The following SPATA13 variants were observed in gnomAD, a reference collection of about 807,000 sequenced individuals.
SPATA13 encodes the protein spermatogenesis-associated protein 13.
A neutral mutation model predicts 104.0 loss-of-function variants in SPATA13; 50 were observed. That is an observed-to-expected ratio of 0.48 (90% CI 0.38 to 0.61). The LOEUF (loss-of-function observed/expected upper bound fraction) is 0.61, where lower values mean the gene tolerates loss of function less well. SPATA13 is among the 20% of genes least tolerant of loss of function. The probability of loss-of-function intolerance (pLI) is 0.00; values close to 1 mark genes in which losing one functional copy is unlikely to be tolerated. For synonymous variants in SPATA13, 606 were observed against 667.5 expected (o/e 0.91, Z 1.42); for missense variants, 1,524 against 1,690.6 (o/e 0.90, Z 1.73).
At chr13:24,037,997 T>C (rs765273614) in intron 3 of SPATA13, among the ~76,000 whole-genome samples, 36 of 152,066 alleles carry the variant, frequency 2.4e-4, no homozygotes, top group Non-Finnish European at 4.4e-4. Context: ...CTGCAAGCTC[T>C]ACCTCCCGGG....
intron 9 of SPATA13, among the ~76,000 whole-genome samples, chr13:24,293,564 CAGAA>C (rs1340384956): frequency 6.6e-6 from 1 of 152,186 alleles, no homozygotes; most frequent in Non-Finnish European, 1.5e-5. Flanking sequence ...GTTGACATGA[CAGAA>C]AGTCCATTTC....
At chr13:24,093,429 G>A (rs1879972051) in intron 3 of SPATA13, among the ~76,000 whole-genome samples, 1 of 152,196 alleles carries the variant, frequency 6.6e-6, no homozygotes, top group African/African-American at 2.4e-5. Context: ...TAGGTTTTCC[G>A]AAGGTAAAAT....
chr13:24,235,995 AT>A (rs1286637776), intron 2 of SPATA13, among the ~76,000 whole-genome samples: 7 of 152,094 alleles, frequency 4.6e-5, no homozygotes, highest in Non-Finnish European at 1.0e-4. Flanking sequence ...GACATAGGTG[AT>A]TTTTGTATTT....
intron 4 of SPATA13, among the ~76,000 whole-genome samples, chr13:24,278,167 ACT>A (rs1366889445): frequency 3.9e-5 from 6 of 152,256 alleles, no homozygotes; most frequent in African/African-American, 1.4e-4. Flanking sequence ...GGATACTAAC[ACT>A]GTTTTTAATA....
intron 1 of SPATA13, among the ~76,000 whole-genome samples, chr13:24,188,701 C>T (rs1044957071): frequency 3.9e-5 from 6 of 152,134 alleles, no homozygotes; most frequent in Admixed American, 3.9e-4. Flanking sequence ...GATGATGACA[C>T]CAAACAACAG....
At chr13:24,175,076 G>T (rs180724127) in intron 1 of SPATA13, among the ~76,000 whole-genome samples, 1 of 152,198 alleles carries the variant, frequency 6.6e-6, no homozygotes, top group African/African-American at 2.4e-5. Flanking sequence ...CGGGGTATTG[G>T]TCCATCTTGA....
At chr13:24,278,754 C>T (rs1340516497) in intron 4 of SPATA13, 1 of 1,594,884 alleles carries the variant, frequency 6.3e-7, no homozygotes, top group Non-Finnish European at 8.5e-7. Context: ...AGAAACTTGA[C>T]CAAGGACTCA....
chr13:24,195,017 T>C lies in SPATA13; in HGVS notation c.-111-27802T>C, dbSNP rs997181775. Among the ~76,000 whole-genome samples the C allele has an allele frequency of 8.5e-5, 13 of 152,230 alleles. 1 individual carries two copies. The highest frequency in any genetic ancestry group is 8.5e-4 in the Admixed American group (13 of 15,288). Reference sequence around the variant, plus strand: ...ATTCAACTAAATGGCTTTTAGCACATATAGGAAGAGTTGTACAGCTGTTGC... The same window carrying C: ...ATTCAACTAAATGGCTTTTAGCACACATAGGAAGAGTTGTACAGCTGTTGC... On this transcript the variant is annotated intron_variant, in intron 1 of 12. Coordinates refer to ENST00000382108, the MANE Select transcript of SPATA13 (RefSeq NM_001166271.3).
Position 24,223,727 on chromosome 13 carries a change from T to A in SPATA13, c.798T>A (p.Phe266Leu). Residue 266 changes from phenylalanine (F) to leucine (L), a missense_variant, in exon 2 of 13, where the codon TTT becomes TTA. Around this residue, in one of 2 missense-constraint regions of SPATA13, gnomAD observed 1,089 missense variants for 1,135.9 expected, o/e 0.96. Transcript: ENST00000382108. The stretch of plus-strand genomic sequence containing the variant: ...TTGCCTTTCTGAAGAAGAGCTCCTT[T>A]AAGCGGAAGTCCACCTCCAATCTTG... Reference protein sequence around the residue: ...DNLAFLKKSSFKRKSTSNLAD... With the variant: ...DNLAFLKKSSLKRKSTSNLAD... 6.4e-7 allele frequency: 1 copy of A among 1,552,058 alleles called. No homozygotes were observed. Among genetic ancestry groups the A allele is most frequent in the South Asian group, 1.2e-5 (1 of 84,066 alleles).
intron 1 of SPATA13, among the ~76,000 whole-genome samples, chr13:24,182,968 G>A (rs912574044): frequency 6.6e-6 from 1 of 152,050 alleles, no homozygotes; most frequent in Non-Finnish European, 1.5e-5. Flanking sequence ...GTGCATTCAG[G>A]GGCACCATTG....
intron 3 of SPATA13, among the ~76,000 whole-genome samples, chr13:24,032,311 A>G (rs1205651330): frequency 6.6e-6 from 1 of 152,198 alleles, no homozygotes; most frequent in Non-Finnish European, 1.5e-5. Context: ...CCCTATGGCA[A>G]TACCACATAG....
In SPATA13 at chr13:24,224,368, C is replaced by T. The variant is rs41314440; in HGVS notation, c.1439C>T (p.Pro480Leu). Residue 480 changes from proline to leucine, a missense_variant, in exon 2 of 13, where the codon CCC (proline) becomes CTC (leucine). Physicochemically the swap from Pro to Leu is moderately conservative, Grantham distance 98. Around this residue, in one of 2 missense-constraint regions of SPATA13, gnomAD observed 1,089 missense variants for 1,135.9 expected, o/e 0.96. Transcript: ENST00000382108. Reference protein sequence around the residue: ...KPQSPQSPQSPGAGSASCHSN... With the variant: ...KPQSPQSPQSLGAGSASCHSN... ...CAGAGCCCTCAGAGCCCCCAGAGCC[C>T]CGGGGCAGGAAGTGCCAGCTGTCAC... 42,442 of 1,551,706 alleles carry T rather than the reference C, an allele frequency of 0.027. 698 individuals are homozygous for T. Among genetic ancestry groups the T allele is most frequent in the Non-Finnish European group, 0.032 (36,331 of 1,146,992 alleles).
At chr13:24,302,459 C>CA (rs71070678) in intron 12 of SPATA13, 139 bp from the exon 13 acceptor site, 6,497 of 193,508 alleles carry the variant, frequency 0.034, 801 homozygotes, top group Non-Finnish European at 0.045. Flanking sequence ...GACCCTGTCT[C>CA]AAAAAAAAAA....
At chr13:24,058,201 T>C (rs1264765215) in intron 3 of SPATA13, among the ~76,000 whole-genome samples, 1 of 151,896 alleles carries the variant, frequency 6.6e-6, no homozygotes, top group Non-Finnish European at 1.5e-5. Flanking sequence ...TTACATAGGA[T>C]GACGTCTTTT....
chr13:24,124,695 T>G (rs541792682), intron 3 of SPATA13, among the ~76,000 whole-genome samples: 49 of 152,222 alleles, frequency 3.2e-4, no homozygotes, highest in Non-Finnish European at 6.3e-4. Context: ...TAGATACTGC[T>G]TTTGTCTGTT....
intron 4 of SPATA13, among the ~76,000 whole-genome samples, chr13:24,255,214 C>CAT (rs1873726220): frequency 6.6e-6 from 1 of 152,168 alleles, no homozygotes; most frequent in African/African-American, 2.4e-5. Flanking sequence ...AGTCACCAGG[C>CAT]TGATGGTAGG....
intron 3 of SPATA13, among the ~76,000 whole-genome samples, chr13:24,150,726 G>T (rs1882075589): frequency 6.6e-6 from 1 of 152,158 alleles, no homozygotes; most frequent in Non-Finnish European, 1.5e-5. Context: ...TTGTGTTGCA[G>T]TCTTGAGGCC....
intron 4 of SPATA13, among the ~76,000 whole-genome samples, chr13:24,274,243 G>A (rs1344558066): frequency 3.3e-5 from 5 of 152,212 alleles, no homozygotes; most frequent in Non-Finnish European, 7.3e-5. Flanking sequence ...ACCTGAGCAT[G>A]TGGTGTGGTT....
intron 1 of SPATA13, 119 bp from the exon 2 acceptor site, chr13:24,222,700 T>C (rs1242687402): frequency 2.5e-6 from 2 of 788,852 alleles, no homozygotes; most frequent in Non-Finnish European, 2.0e-6. Context: ...ACAGTTTTAA[T>C]TGAGTTTGAA....
Sources: allele counts gnomAD v4.1 joint callset (sites outside exome capture counted in the v4.1 genomes callset), GRCh38; gene constraint gnomAD v4.1.1; regional missense constraint gnomAD v4.1.1; transcripts MANE v1.5; gene names NCBI Gene and HGNC (gene_info 2026-07-23, HGNC 2026-07-21).